CNTNAP5: variants seen among roughly 807,000 people sequenced by gnomAD.
CNTNAP5 encodes the protein contactin associated protein family member 5.
In CNTNAP5, 72 loss-of-function variants were observed where a neutral mutation model predicts 150.2. The ratio of observed to expected loss-of-function variants is 0.48; its 90% CI spans 0.40 to 0.58. The LOEUF is 0.58. Ranked by LOEUF, CNTNAP5 falls within the 20% of genes least tolerant of loss-of-function variation. The pLI, the probability that CNTNAP5 is intolerant of heterozygous loss-of-function variation, is 0.00. For missense variants in CNTNAP5, 1,636 were observed against 1,626.2 expected, an observed-to-expected ratio of 1.01 and a Z score of -0.10; for synonymous variants, 672 against 619.8, an observed-to-expected ratio of 1.08 and a Z score of -1.25.
chr2:124,094,800 C>T (rs1682897109), intron 1 of CNTNAP5, among the ~76,000 whole-genome samples: 1 of 152,158 alleles, frequency 6.6e-6, no homozygotes, highest in East Asian at 1.9e-4. Flanking sequence ...TGGGCACCAG[C>T]TGTGAAGGCA....
chr2:124,598,463 AG>A (rs1295469734), intron 11 of CNTNAP5, among the ~76,000 whole-genome samples: 2 of 145,458 alleles, frequency 1.4e-5, no homozygotes, highest in Non-Finnish European at 3.0e-5. Context: ...CTCGGGGGTC[AG>A]GGGTCAGGGA....
At chr2:124,107,295 G>T (rs1347035049) in intron 1 of CNTNAP5, among the ~76,000 whole-genome samples, 1 of 152,186 alleles carries the variant, frequency 6.6e-6, no homozygotes, top group Non-Finnish European at 1.5e-5. Flanking sequence ...CCCTGACCAT[G>T]AAGACCTTCC....
intron 17 of CNTNAP5, among the ~76,000 whole-genome samples, chr2:124,777,775 ATGTGTGTGTGTG>A (rs35863925): frequency 0.012 from 1,569 of 130,678 alleles, 28 homozygotes; most frequent in African/African-American, 0.033. Flanking sequence ...GAATGGAGGG[ATGTGTGTGTGTG>A]TGTGTGTGTG....
At chr2:124,901,370 T>C (rs1039452005) in intron 21 of CNTNAP5, among the ~76,000 whole-genome samples, 8 of 147,948 alleles carry the variant, frequency 5.4e-5, no homozygotes, top group African/African-American at 2.1e-4. Flanking sequence ...TCAGGATGAA[T>C]TCAGTGTAAT....
chr2:124,773,941 TGTGTGTGA>T lies in CNTNAP5; in HGVS notation c.2752+926_2752+933del, dbSNP rs778018479. Among the ~76,000 whole-genome samples the T allele has an allele frequency of 8.7e-3, 1,267 of 145,576 alleles. 6 individuals carry two copies. Among genetic ancestry groups the T allele is most frequent in the Middle Eastern group, 0.014 (4 of 282 alleles). ...GTGTGTGTGTGTGTGTGTGTGTGTG[TGTGTGTGA>T]GAGAGAGAGAGAGAGAGAGAGACTA... On this transcript the variant is annotated intron_variant, in intron 17 of 23. Transcript: ENST00000682447.
intron 19 of CNTNAP5, among the ~76,000 whole-genome samples, chr2:124,822,150 T>C (rs763940510): frequency 1.3e-5 from 2 of 152,174 alleles, no homozygotes; most frequent in Non-Finnish European, 2.9e-5. Flanking sequence ...TCCTTGGTTC[T>C]GTGCTCTGTA....
intron 19 of CNTNAP5, among the ~76,000 whole-genome samples, chr2:124,810,624 T>C (rs896414204): frequency 1.3e-5 from 2 of 152,100 alleles, no homozygotes; most frequent in Non-Finnish European, 2.9e-5. Flanking sequence ...CACAACGTGG[T>C]TCACCCAATT....
intron 6 of CNTNAP5, among the ~76,000 whole-genome samples, chr2:124,470,419 T>A (rs1693482276): frequency 6.6e-6 from 1 of 152,142 alleles, no homozygotes; most frequent in African/African-American, 2.4e-5. Context: ...TATGGGGTTG[T>A]TTTTTTCTAG....
chr2:124,388,016 T>C (rs1427578090), intron 3 of CNTNAP5, among the ~76,000 whole-genome samples: 3 of 152,118 alleles, frequency 2.0e-5, no homozygotes, highest in Non-Finnish European at 2.9e-5. Context: ...CATTTCAAAC[T>C]AGCCACCTCT....
At chr2:124,034,483 C>G (rs1397162215) in intron 1 of CNTNAP5, among the ~76,000 whole-genome samples, 3 of 152,190 alleles carry the variant, frequency 2.0e-5, no homozygotes, top group African/African-American at 7.2e-5. Context: ...TGAGTAGAGT[C>G]TACCTTCACC....
At chr2:124,732,398 A>G (rs1377717146) in intron 13 of CNTNAP5, among the ~76,000 whole-genome samples, 1 of 152,144 alleles carries the variant, frequency 6.6e-6, no homozygotes, top group Non-Finnish European at 1.5e-5. Flanking sequence ...GTGTGATGGC[A>G]TAAGAAGGTG....
intron 7 of CNTNAP5, among the ~76,000 whole-genome samples, chr2:124,493,102 C>G (rs143131758): frequency 1.8e-4 from 27 of 152,010 alleles, no homozygotes; most frequent in Admixed American, 1.8e-3. Context: ...ATAGGTTTGT[C>G]TTATATGGTC....
In CNTNAP5 at chr2:124,521,329, A is replaced by G. The variant is rs559852385; in HGVS notation, c.1328-2974A>G. On this transcript the variant is annotated intron_variant, in intron 8 of 23. Coordinates refer to ENST00000682447, the MANE Select transcript of CNTNAP5 (RefSeq NM_001367498.1). ...AACTTTTCACCCAGGCTCCCACTGC[A>G]GGCATTGGGGAACATGTAGGAAAAG... 5.3e-5 allele frequency among the ~76,000 whole-genome samples: 8 copies of G among 152,332 alleles called. No individual in the cohort carries two copies. In the South Asian group the frequency reaches 1.5e-3, roughly 28 times the overall value.
At chr2:124,882,870 G>C (rs533683828) in intron 21 of CNTNAP5, among the ~76,000 whole-genome samples, 3 of 152,010 alleles carry the variant, frequency 2.0e-5, no homozygotes, top group Non-Finnish European at 4.4e-5. Context: ...GGCATGCAGT[G>C]CAGAAGGGGA....
chr2:124,161,125 C>T (rs1036655487), intron 1 of CNTNAP5, among the ~76,000 whole-genome samples: 1 of 152,144 alleles, frequency 6.6e-6, no homozygotes, highest in Non-Finnish European at 1.5e-5. Context: ...TTGATAACAT[C>T]TGTGAACTGA....
chr2:124,555,392 G>A (rs1695728960), intron 10 of CNTNAP5, among the ~76,000 whole-genome samples: 2 of 152,148 alleles, frequency 1.3e-5, no homozygotes, highest in South Asian at 4.1e-4. Flanking sequence ...TCTATGCGTG[G>A]AAGCTCAGAC....
At chr2:124,447,465 G>A (rs894337928) in intron 6 of CNTNAP5, among the ~76,000 whole-genome samples, 1 of 152,160 alleles carries the variant, frequency 6.6e-6, no homozygotes, top group Admixed American at 6.5e-5. Flanking sequence ...AAAGAAGGCT[G>A]CACAAAGCTC....
intron 3 of CNTNAP5, among the ~76,000 whole-genome samples, chr2:124,362,684 A>G (rs1329428288): frequency 6.6e-6 from 1 of 152,142 alleles, no homozygotes; most frequent in Non-Finnish European, 1.5e-5. Flanking sequence ...CTTTCTGTCA[A>G]TTTTAATTAT....
intron 17 of CNTNAP5, among the ~76,000 whole-genome samples, chr2:124,788,617 T>G (rs548101733): frequency 1.3e-5 from 2 of 150,904 alleles, no homozygotes; most frequent in Non-Finnish European, 3.0e-5. Context: ...TTTTTTTTTT[T>G]TGAGACAGAG....
Sources: gnomAD v4.1 joint callset for allele counts (sites outside exome capture counted in the v4.1 genomes callset) on GRCh38, gnomAD v4.1.1 for gene constraint, MANE v1.5 for transcripts, NCBI Gene and HGNC (gene_info 2026-07-23, HGNC 2026-07-21) for gene names.